VAC14: variants seen among roughly 807,000 people sequenced by gnomAD.
VAC14 encodes the protein protein VAC14 homolog.
Under a neutral mutation model 85.3 loss-of-function variants are expected in VAC14, and 47 were observed. The ratio of observed to expected loss-of-function variants is 0.55; its 90% CI spans 0.44 to 0.70. The LOEUF is 0.70. VAC14 is among the 30% of genes least tolerant of loss of function. VAC14 has a pLI of 0.00. For missense variants in VAC14, 861 were observed against 1,004.3 expected (o/e 0.86, Z 1.93); for synonymous variants, 447 against 430.5 (o/e 1.04, Z -0.47).
chr16:70,772,391 A>G, intron 9 of VAC14: 2 of 547,040 alleles, frequency 3.7e-6, no homozygotes, highest in East Asian at 6.0e-5. Context: ...TGATCTCACA[A>G]GGAGGGGACA....
intron 14 of VAC14, chr16:70,699,952 G>T (rs2053790731): frequency 6.6e-6 from 1 of 152,184 alleles, no homozygotes; most frequent in Non-Finnish European, 1.5e-5. Context: ...CTCCAGGGAA[G>T]CATCACCACA....
chr16:70,707,083 G>A (rs1835301849), intron 14 of VAC14, among the ~76,000 whole-genome samples: 1 of 152,204 alleles, frequency 6.6e-6, no homozygotes, highest in East Asian at 1.9e-4. Flanking sequence ...AGGGAGAGGA[G>A]GGAGTAGCCT....
At chr16:70,721,769 G>A (rs140146904) in intron 14 of VAC14, among the ~76,000 whole-genome samples, 93 of 152,186 alleles carry the variant, frequency 6.1e-4, no homozygotes, top group African/African-American at 1.9e-3. Flanking sequence ...GCGGGCTGGC[G>A]GATCTGGCGC....
At chr16:70,766,263 T>G (rs1280077229) in intron 10 of VAC14, among the ~76,000 whole-genome samples, 2 of 152,192 alleles carry the variant, frequency 1.3e-5, no homozygotes, top group Non-Finnish European at 2.9e-5. Context: ...GTCAGGCTGG[T>G]TGGCCCCTCG....
At chr16:70,745,336 G>A (rs976582717) in intron 12 of VAC14, among the ~76,000 whole-genome samples, 2 of 152,154 alleles carry the variant, frequency 1.3e-5, no homozygotes, top group Non-Finnish European at 2.9e-5. Flanking sequence ...TACAGCCCCC[G>A]TATCCTTAGA....
intron 14 of VAC14, among the ~76,000 whole-genome samples, chr16:70,729,427 A>T (rs1021642526): frequency 6.6e-6 from 1 of 151,962 alleles, no homozygotes; most frequent in Admixed American, 6.5e-5. Flanking sequence ...CCCACAACTC[A>T]ATTCTGCGGC....
intron 9 of VAC14, 163 bp from the exon 10 acceptor site, chr16:70,772,335 CCA>C: frequency 1.7e-6 from 1 of 601,338 alleles, no homozygotes; most frequent in Non-Finnish European, 2.9e-6. Flanking sequence ...CAACCAACGC[CCA>C]GTCATTCTCG....
At chr16:70,743,204 A>G (rs2143010956) in intron 13 of VAC14, among the ~76,000 whole-genome samples, 1 of 152,306 alleles carries the variant, frequency 6.6e-6, no homozygotes. Context: ...TAAACGCACC[A>G]ATCAGCACTC....
intron 12 of VAC14, among the ~76,000 whole-genome samples, chr16:70,759,543 G>GACA (rs1251635770): frequency 2.0e-5 from 3 of 152,176 alleles, no homozygotes; most frequent in Admixed American, 6.5e-5. Flanking sequence ...CAGGAGGACT[G>GACA]CTTGAACCCC....
chr16:70,789,363 C>A (rs2034218712), intron 1 of VAC14, among the ~76,000 whole-genome samples: 1 of 152,238 alleles, frequency 6.6e-6, no homozygotes, highest in African/African-American at 2.4e-5. Flanking sequence ...CCCTCCTGCT[C>A]TGCAGCCTGA....
intron 14 of VAC14, chr16:70,715,784 G>C (rs965737509): frequency 6.6e-6 from 1 of 152,272 alleles, no homozygotes; most frequent in African/African-American, 2.4e-5. Context: ...CGGGGCTGTC[G>C]GGCCAAGGTG....
At chr16:70,690,852 G>A (rs2053583101) in intron 18 of VAC14, 2 of 985,398 alleles carry the variant, frequency 2.0e-6, no homozygotes, top group Non-Finnish European at 2.4e-6. Context: ...CTCTTCCTAG[G>A]TCGTTGCAAA....
intron 14 of VAC14, among the ~76,000 whole-genome samples, chr16:70,729,930 A>G (rs1341445649): frequency 6.6e-6 from 1 of 151,764 alleles, no homozygotes; most frequent in Non-Finnish European, 1.5e-5. Flanking sequence ...CTTCTTCAAT[A>G]CCTTCTTTTT....
intron 9 of VAC14, among the ~76,000 whole-genome samples, chr16:70,779,466 T>C (rs2033700850): frequency 6.6e-6 from 1 of 152,230 alleles, no homozygotes; most frequent in Non-Finnish European, 1.5e-5. Flanking sequence ...TTTTATGGCC[T>C]TGTGGGTTAT....
intron 16 of VAC14, among the ~76,000 whole-genome samples, chr16:70,696,468 G>A (rs1215383593): frequency 1.3e-5 from 2 of 152,162 alleles, no homozygotes; most frequent in African/African-American, 4.8e-5. Context: ...GGCCAAGATC[G>A]CCCCACTGCA....
chr16:70,766,037 G>A (rs1319093483), intron 10 of VAC14, among the ~76,000 whole-genome samples: 6 of 151,970 alleles, frequency 3.9e-5, no homozygotes, highest in Non-Finnish European at 8.8e-5. Flanking sequence ...GGAGGCTGAA[G>A]TGGGAGGATT....
Position 70,762,565 on chromosome 16 carries a change from T to A in VAC14, c.1346A>T (p.Gln449Leu), listed in dbSNP as rs775390188. The change falls in exon 12 of 19, where the codon CAG becomes CTG. Residue 449 changes from glutamine (Q) to leucine (L), a missense_variant. Gln to Leu is a moderately radical substitution (Grantham distance 113). Coordinates refer to ENST00000261776, the MANE Select transcript of VAC14 (RefSeq NM_018052.5). The surrounding 1 kb of genome is among the most constrained non-coding windows in gnomAD (Gnocchi z 4.1). ...CTCATCCGATTCATCCGATAACGTCTGCAGTAGGATGGGAAAGAGGCTGTC... is the reference window on the plus strand; with the variant it reads ...CTCATCCGATTCATCCGATAACGTCAGCAGTAGGATGGGAAAGAGGCTGTC... The part of the protein sequence containing the change: ...HTDSLFPILL[Q>L]TLSDESDEVI... The A allele has an allele frequency of 1.6e-5, 26 of 1,614,158 alleles. No individual in the cohort carries two copies. The South Asian group carries it at 2.7e-4, about 17-fold the overall frequency.
chr16:70,784,671 A>G lies in VAC14; in HGVS notation c.486+105T>C, dbSNP rs1216044226. The G allele has an allele frequency of 2.6e-6, 3 of 1,138,474 alleles. No individual in the cohort carries two copies. In the African/African-American group the frequency reaches 4.6e-5, roughly 18 times the overall value. 70.5% of individuals were successfully genotyped at this position (1,138,474 alleles called of 1,614,324 possible). A position where few individuals can be genotyped will look rare whatever the true frequency, so the allele number is the denominator to read the frequency against. On this transcript the variant is annotated intron_variant, in intron 4 of 18. Coordinates refer to ENST00000261776, the MANE Select transcript of VAC14 (RefSeq NM_018052.5). The stretch of plus-strand genomic sequence containing the variant: ...GGGAGTACATGTAAATTTAAAATAT[A>G]TTTTAAATTCAAGAAGAACATTCCC...
At chr16:70,737,515 G>A (rs1204391917) in intron 13 of VAC14, among the ~76,000 whole-genome samples, 1 of 152,204 alleles carries the variant, frequency 6.6e-6, no homozygotes, top group African/African-American at 2.4e-5. Flanking sequence ...CCATCCCTCA[G>A]CTGAAGGCCA....
Sources: allele counts gnomAD v4.1 joint callset (sites outside exome capture counted in the v4.1 genomes callset), GRCh38; gene constraint gnomAD v4.1.1; non-coding constraint Gnocchi (gnomAD v3.1); transcripts MANE v1.5; gene names NCBI Gene and HGNC (gene_info 2026-07-23, HGNC 2026-07-21).